HS6ST3: variants seen among roughly 807,000 people sequenced by gnomAD.
HS6ST3 encodes the protein heparan-sulfate 6-O-sulfotransferase 3.
In HS6ST3, 12 loss-of-function variants were observed where a neutral mutation model predicts 36.7. The ratio of observed to expected loss-of-function variants is 0.33; its 90% confidence interval spans 0.21 to 0.53. The LOEUF (loss-of-function observed/expected upper bound fraction) is 0.53. Ranked by LOEUF, HS6ST3 falls within the 20% of genes least tolerant of loss-of-function variation. The pLI, the probability that HS6ST3 is intolerant of heterozygous loss-of-function variation, is 0.95. For missense variants in HS6ST3, 584 were observed against 640.9 expected (o/e 0.91, Z 0.96); for synonymous variants, 240 against 257.5 (o/e 0.93, Z 0.65).
chr13:96,166,582 T>C (rs2054161541), intron 1 of HS6ST3, among the ~76,000 whole-genome samples: 1 of 149,800 alleles, frequency 6.7e-6, no homozygotes, highest in African/African-American at 2.4e-5. Context: ...TTTCTTTTTT[T>C]TTTTTTTTTT....
chr13:96,574,280 A>T (rs2056312758), intron 1 of HS6ST3: 2 of 385,834 alleles, frequency 5.2e-6, no homozygotes, highest in Non-Finnish European at 1.0e-5. Flanking sequence ...AACTGAATTC[A>T]TTAAGGAAAA....
At chr13:96,331,855 C>G (rs978345230) in intron 1 of HS6ST3, among the ~76,000 whole-genome samples, 2 of 152,170 alleles carry the variant, frequency 1.3e-5, no homozygotes, top group Admixed American at 6.5e-5. Context: ...CAGGACCCTC[C>G]GAGCCAGGTG....
At chr13:96,656,781 G>A (rs951921402) in intron 1 of HS6ST3, among the ~76,000 whole-genome samples, 2 of 152,108 alleles carry the variant, frequency 1.3e-5, no homozygotes, top group Non-Finnish European at 2.9e-5. Flanking sequence ...TGAGCTCCAA[G>A]CTTTAGGCAA....
At chr13:96,774,192 C>T (rs1047672447) in intron 1 of HS6ST3, among the ~76,000 whole-genome samples, 2 of 152,086 alleles carry the variant, frequency 1.3e-5, no homozygotes, top group Non-Finnish European at 2.9e-5. Flanking sequence ...ACATCAAAGA[C>T]CAAAGGTAGA....
intron 1 of HS6ST3, among the ~76,000 whole-genome samples, chr13:96,500,172 A>T (rs1486125274): frequency 6.6e-6 from 1 of 152,164 alleles, no homozygotes; most frequent in Non-Finnish European, 1.5e-5. Flanking sequence ...TATAAATGGA[A>T]TTATACAACC....
At chr13:96,581,637 C>A (rs1398236525) in intron 1 of HS6ST3, among the ~76,000 whole-genome samples, 5 of 152,152 alleles carry the variant, frequency 3.3e-5, no homozygotes, top group African/African-American at 1.2e-4. Flanking sequence ...AAGTACCCAA[C>A]AACACCTACA....
chr13:96,763,882 C>A (rs553916447), intron 1 of HS6ST3, among the ~76,000 whole-genome samples: 1 of 152,154 alleles, frequency 6.6e-6, no homozygotes, highest in Admixed American at 6.5e-5. Context: ...AATCATATTG[C>A]AACAATCTGT....
intron 1 of HS6ST3, among the ~76,000 whole-genome samples, chr13:96,379,805 G>A (rs948420114): frequency 1.3e-5 from 2 of 152,106 alleles, no homozygotes; most frequent in Admixed American, 1.3e-4. Flanking sequence ...TGAGAACTGG[G>A]TTAAAAATTG....
chr13:96,548,834 G>C (rs190836099), intron 1 of HS6ST3, among the ~76,000 whole-genome samples: 1 of 152,142 alleles, frequency 6.6e-6, no homozygotes, highest in Non-Finnish European at 1.5e-5. Flanking sequence ...GCTCACCCAC[G>C]TGAGAGAGGG....
At chr13:96,788,625 G>T (rs79235246) in intron 1 of HS6ST3, among the ~76,000 whole-genome samples, 4,932 of 151,984 alleles carry the variant, frequency 0.032, 265 homozygotes, top group African/African-American at 0.11. Flanking sequence ...AGTGGTAAAT[G>T]AGGGGAACAT....
rs1176187552 is a variant in HS6ST3, at chr13:96,326,864, T to C, written c.707+235295T>C. Among the ~76,000 whole-genome samples, 205 of 150,596 alleles carry C rather than the reference T, an allele frequency of 1.4e-3. 1 individual carries two copies. The highest frequency in any genetic ancestry group is 6.8e-3 in the Middle Eastern group (2 of 294). On this transcript the variant is annotated intron_variant, in intron 1 of 1. Transcript: ENST00000376705. Reference sequence around the variant, plus strand: ...TGTTGTTTCCTGACTTTTTAATGATTGCCATTCTAACTGGTGTGAGATGGT... The same window carrying C: ...TGTTGTTTCCTGACTTTTTAATGATCGCCATTCTAACTGGTGTGAGATGGT...
chr13:96,241,198 C>G (rs2054557986), intron 1 of HS6ST3, among the ~76,000 whole-genome samples: 1 of 151,276 alleles, frequency 6.6e-6, no homozygotes, highest in South Asian at 2.1e-4. Context: ...GTCAGCTGAT[C>G]ATTAAAATAA....
At chr13:96,366,286 G>GCCAACATGGTGAAACCCTGTCT (rs1355255441) in intron 1 of HS6ST3, among the ~76,000 whole-genome samples, 6 of 152,082 alleles carry the variant, frequency 3.9e-5, no homozygotes, top group Non-Finnish European at 8.8e-5. Flanking sequence ...GACCAGCCTG[G>GCCAACATGGTGAAACCCTGTCT]CCAACATGGT....
At chr13:96,658,629 G>A (rs61967754) in intron 1 of HS6ST3, among the ~76,000 whole-genome samples, 12,693 of 151,252 alleles carry the variant, frequency 0.084, 687 homozygotes, top group Admixed American at 0.16. Context: ...CCAGTTTCTG[G>A]ATGTTATGGA....
At chr13:96,228,401 G>C (rs1294914269) in intron 1 of HS6ST3, among the ~76,000 whole-genome samples, 3 of 152,074 alleles carry the variant, frequency 2.0e-5, no homozygotes. Context: ...GGGATTACGG[G>C]ATTACAGCCA....
At chr13:96,169,728 G>T (rs7993716) in intron 1 of HS6ST3, 140,559 of 152,444 alleles carry the variant, frequency 0.92, 64,928 homozygotes, top group Non-Finnish European at 0.94. Flanking sequence ...GCCTAAGAAG[G>T]GTTGACATGG....
intron 1 of HS6ST3, among the ~76,000 whole-genome samples, chr13:96,609,381 C>T (rs1166527500): frequency 2.6e-5 from 4 of 152,104 alleles, no homozygotes; most frequent in Non-Finnish European, 4.4e-5. Context: ...GCTGGTTATA[C>T]CTTGAAGATT....
chr13:96,500,196 G>C (rs1299576860), intron 1 of HS6ST3, among the ~76,000 whole-genome samples: 1 of 152,104 alleles, frequency 6.6e-6, no homozygotes, highest in Non-Finnish European at 1.5e-5. Context: ...GGTCCTTTGT[G>C]ACTGGCTTCT....
intron 1 of HS6ST3, among the ~76,000 whole-genome samples, chr13:96,549,294 A>G (rs574991520): frequency 4.3e-4 from 65 of 152,190 alleles, no homozygotes; most frequent in African/African-American, 1.1e-3. Context: ...TGTAGGATCC[A>G]TGATTTATGT....
Sources: gnomAD v4.1 joint callset for allele counts (sites outside exome capture counted in the v4.1 genomes callset) on GRCh38, gnomAD v4.1.1 for gene constraint, MANE v1.5 for transcripts, NCBI Gene and HGNC (gene_info 2026-07-23, HGNC 2026-07-21) for gene names.